The following LUZP2 variants were observed in gnomAD, a reference collection of about 807,000 sequenced individuals.
The protein encoded by LUZP2 is leucine zipper protein 2.
LUZP2 carries 52 observed loss-of-function variants against 51.6 expected under a neutral mutation model. The ratio of observed to expected loss-of-function variants is 1.01; its 90% CI spans 0.81 to 1.27. The LOEUF (loss-of-function observed/expected upper bound fraction) is 1.27. Ranked by LOEUF, LUZP2 falls within the 50% of genes most tolerant of loss-of-function variation. LUZP2 has a pLI of 0.00. For missense variants in LUZP2, 436 were observed against 395.4 expected, an observed-to-expected ratio of 1.10 and a Z score of -0.87; for synonymous variants, 154 against 137.3, an observed-to-expected ratio of 1.12 and a Z score of -0.85.
At chr11:24,841,059 T>C (rs1480946218) in intron 5 of LUZP2, among the ~76,000 whole-genome samples, 1 of 151,970 alleles carries the variant, frequency 6.6e-6, no homozygotes, top group East Asian at 1.9e-4. Context: ...GAAATGACTT[T>C]GGAGTAGTGT....
chr11:24,752,152 CAT>C (rs1393798182), intron 4 of LUZP2, among the ~76,000 whole-genome samples: 3 of 151,922 alleles, frequency 2.0e-5, no homozygotes, highest in Non-Finnish European at 1.5e-5. Flanking sequence ...TAAAAGCACA[CAT>C]ATAAATAAAT....
At position 25,011,453 on chromosome 11, in the gene LUZP2, C is replaced by A. The variant is rs938019797; in HGVS notation, c.765+28160C>A. Among the ~76,000 whole-genome samples, 12 of 152,272 alleles carry A rather than the reference C, an allele frequency of 7.9e-5. No individual in the cohort carries two copies. In the South Asian group the frequency reaches 1.5e-3, roughly 18 times the overall value. On this transcript the variant is annotated intron_variant, in intron 9 of 11. Transcript: ENST00000336930. ...ATTTCAGTGCCCATAATAGGGACAA[C>A]TTTGCTTTAATCCATCCTCCTACTC...
At position 25,066,905 on chromosome 11, in the gene LUZP2, T is replaced by C. The variant is rs188349860; in HGVS notation, c.859-10424T>C. The stretch of plus-strand genomic sequence containing the variant: ...TGTCTGTTTCTATCATCTGCAAGTT[T>C]CATTTTCAAAGCTGACATAGCATAA... On this transcript the variant is annotated intron_variant, in intron 10 of 11. Transcript: ENST00000336930. Among the ~76,000 whole-genome samples the C allele has an allele frequency of 5.5e-3, 839 of 152,114 alleles. 8 individuals are homozygous for C. Among genetic ancestry groups the C allele is most frequent in the African/African-American group, 0.018 (765 of 41,542 alleles).
At chr11:24,807,902 C>G (rs1849902381) in intron 5 of LUZP2, among the ~76,000 whole-genome samples, 1 of 152,014 alleles carries the variant, frequency 6.6e-6, no homozygotes, top group Non-Finnish European at 1.5e-5. Flanking sequence ...GTATTGTGCT[C>G]TGTGCTGTGA....
intron 4 of LUZP2, among the ~76,000 whole-genome samples, chr11:24,754,861 A>T (rs1859713686): frequency 6.6e-6 from 1 of 152,068 alleles, no homozygotes; most frequent in African/African-American, 2.4e-5. Flanking sequence ...AACCAAAGAC[A>T]CTGGCTGGGC....
chr11:24,585,113 C>A (rs2133829949), intron 1 of LUZP2, among the ~76,000 whole-genome samples: 1 of 152,240 alleles, frequency 6.6e-6, no homozygotes, highest in Admixed American at 6.5e-5. Flanking sequence ...CTTAGATGTT[C>A]TCTCTGGGTA....
chr11:24,521,851 C>T lies in LUZP2; in HGVS notation c.62+24546C>T, dbSNP rs111266231. Among the ~76,000 whole-genome samples the T allele has an allele frequency of 2.0e-3, 309 of 152,134 alleles. 2 individuals carry two copies. Among genetic ancestry groups the T allele is most frequent in the Middle Eastern group, 6.8e-3 (2 of 294 alleles). ...AGAAGTTAAGACTTCTAAGTCATAA[C>T]ACATGTTTATGGAGGAATGATGTTA... On this transcript the variant is annotated intron_variant, in intron 1 of 11. Coordinates refer to ENST00000336930, the MANE Select transcript of LUZP2 (RefSeq NM_001009909.4).
At chr11:24,863,840 T>C (rs1851809802) in intron 5 of LUZP2, among the ~76,000 whole-genome samples, 1 of 152,096 alleles carries the variant, frequency 6.6e-6, no homozygotes, top group South Asian at 2.1e-4. Context: ...AAAGACTGAG[T>C]GCACTGAAGA....
At chr11:24,671,302 G>A (rs1856395348) in intron 1 of LUZP2, among the ~76,000 whole-genome samples, 1 of 151,670 alleles carries the variant, frequency 6.6e-6, no homozygotes, top group African/African-American at 2.4e-5. Flanking sequence ...AATTTTATCT[G>A]AAGTTTTTCT....
At chr11:24,604,942 T>C (rs1241037613) in intron 1 of LUZP2, among the ~76,000 whole-genome samples, 2 of 151,790 alleles carry the variant, frequency 1.3e-5, no homozygotes, top group African/African-American at 4.8e-5. Context: ...ATCTCTTTTG[T>C]GGGGAGTGGC....
chr11:24,872,081 G>A (rs1852094614), intron 5 of LUZP2, among the ~76,000 whole-genome samples: 1 of 151,966 alleles, frequency 6.6e-6, no homozygotes, highest in Admixed American at 6.6e-5. Flanking sequence ...ACTTCTCCCT[G>A]CATGTTATGT....
chr11:24,682,522 T>C (rs1565074492), intron 1 of LUZP2, among the ~76,000 whole-genome samples: 1 of 110 alleles, frequency 9.1e-3, no homozygotes, highest in Non-Finnish European at 0.022. Context: ...AAAATGCAAA[T>C]TCAGTAGGTT....
intron 1 of LUZP2, chr11:24,701,486 A>T (rs1452760344): frequency 6.1e-6 from 1 of 164,376 alleles, no homozygotes. Flanking sequence ...GAAACTAAAA[A>T]CGATTTACCT....
chr11:24,647,909 A>C (rs2055789), intron 1 of LUZP2, among the ~76,000 whole-genome samples: 145,010 of 151,834 alleles, frequency 0.96, 69,602 homozygotes, highest in East Asian at 1. Context: ...ATCCCTACGA[A>C]CAATTATTTT....
At chr11:24,879,989 T>C (rs1273940534) in intron 5 of LUZP2, among the ~76,000 whole-genome samples, 1 of 152,172 alleles carries the variant, frequency 6.6e-6, no homozygotes, top group East Asian at 1.9e-4. Flanking sequence ...ATGCTCCCCA[T>C]GTCCACCGTC....
intron 7 of LUZP2, among the ~76,000 whole-genome samples, chr11:24,949,880 C>CT (rs1855026705): frequency 6.6e-6 from 1 of 151,418 alleles, no homozygotes; most frequent in Admixed American, 6.6e-5. Context: ...GAGAAATCAG[C>CT]TTTTCTTCTT....
intron 4 of LUZP2, among the ~76,000 whole-genome samples, chr11:24,748,700 G>A (rs1052794519): frequency 2.0e-5 from 3 of 152,038 alleles, no homozygotes; most frequent in African/African-American, 7.2e-5. Flanking sequence ...CTCATGATCT[G>A]CCCCCCTTGG....
At chr11:25,021,551 G>C (rs1857333975) in intron 9 of LUZP2, among the ~76,000 whole-genome samples, 1 of 151,898 alleles carries the variant, frequency 6.6e-6, no homozygotes, top group African/African-American at 2.4e-5. Flanking sequence ...TTGAGATCAT[G>C]ATTAGTGTGT....
At chr11:24,541,133 A>T (rs1310926621) in intron 1 of LUZP2, among the ~76,000 whole-genome samples, 2 of 151,594 alleles carry the variant, frequency 1.3e-5, no homozygotes, top group Non-Finnish European at 2.9e-5. Context: ...GGCGCCTGTA[A>T]TCCCAGCTAC....
Sources: gnomAD v4.1 joint callset for allele counts (sites outside exome capture counted in the v4.1 genomes callset) on GRCh38, gnomAD v4.1.1 for gene constraint, MANE v1.5 for transcripts, NCBI Gene and HGNC (gene_info 2026-07-23, HGNC 2026-07-21) for gene names.